CNIH3: variants seen among roughly 807,000 people sequenced by gnomAD.
The protein encoded by CNIH3 is protein cornichon homolog 3.
A neutral mutation model predicts 24.1 loss-of-function variants in CNIH3; 14 were observed. That is an observed-to-expected ratio of 0.58 (90% CI 0.38 to 0.91). The LOEUF is 0.91. CNIH3 is among the 40% of genes least tolerant of loss of function. The probability of loss-of-function intolerance (pLI) is 0.00; values close to 1 mark genes in which losing one functional copy is unlikely to be tolerated. For missense variants in CNIH3, 178 were observed against 196.8 expected, an observed-to-expected ratio of 0.90 and a Z score of 0.57; for synonymous variants, 68 against 73.8, an observed-to-expected ratio of 0.92 and a Z score of 0.40.
intron 1 of CNIH3, among the ~76,000 whole-genome samples, chr1:224,445,099 T>A (rs985580144): frequency 3.9e-5 from 6 of 152,162 alleles, no homozygotes; most frequent in African/African-American, 1.4e-4. Flanking sequence ...ACCCCAGTAG[T>A]ATCTTATTGT....
At position 224,586,338 on chromosome 1, in the gene CNIH3, C is replaced by T. The variant is rs576052216; in HGVS notation, n.621-2023C>T. 3.0e-4 allele frequency among the ~76,000 whole-genome samples: 46 copies of T among 152,302 alleles called. 1 individual carries two copies. In the South Asian group the frequency reaches 7.7e-3, roughly 25 times the overall value. On this transcript the variant is annotated intron_variant and non_coding_transcript_variant, in intron 5 of 5. Transcript: ENST00000471578. ...GGTAGAAGGTGAAAGGCATGTCTCACGTGGTGGCAGACAAGAGAAGAAAGC... is the reference window on the plus strand; with the variant it reads ...GGTAGAAGGTGAAAGGCATGTCTCATGTGGTGGCAGACAAGAGAAGAAAGC...
Position 224,462,897 on chromosome 1 carries a change from CTTTTTTTTT to C in CNIH3, n.203+28051_203+28059del, listed in dbSNP as rs71572901. ...CCTTGGTTTCCCAAAATATGTTTAA[CTTTTTTTTT>C]TTTTTTTTTTTTTTTGAGACAGTCT... is the stretch of plus-strand genomic sequence containing the variant. On this transcript the variant is annotated intron_variant and non_coding_transcript_variant, in intron 1 of 5. Transcript: ENST00000471578. Among the ~76,000 whole-genome samples, 17 of 73,420 alleles carry C rather than the reference CTTTTTTTTT, an allele frequency of 2.3e-4. No homozygotes were observed. The South Asian group carries it at 7.8e-3, about 34-fold the overall frequency. 48.2% of individuals were successfully genotyped at this position (73,420 alleles called of 152,430 possible).
At chr1:224,493,320 T>A (rs1271073109) in intron 1 of CNIH3, among the ~76,000 whole-genome samples, 1 of 152,166 alleles carries the variant, frequency 6.6e-6, no homozygotes, top group Non-Finnish European at 1.5e-5. Flanking sequence ...ATTTTTTGGC[T>A]TTTAAAGTTG....
At chr1:224,641,407 G>A (rs1037021332) in intron 1 of CNIH3, among the ~76,000 whole-genome samples, 7 of 152,122 alleles carry the variant, frequency 4.6e-5, no homozygotes, top group Non-Finnish European at 7.4e-5. Context: ...TTTTATTCAC[G>A]GATGCCCTCT....
intron 1 of CNIH3, among the ~76,000 whole-genome samples, chr1:224,676,143 A>G (rs1485162187): frequency 6.6e-6 from 1 of 152,246 alleles, no homozygotes; most frequent in Non-Finnish European, 1.5e-5. Context: ...GTACAATGGA[A>G]TACTACTTGG....
chr1:224,618,296 A>G lies in CNIH3; in HGVS notation c.81+1041A>G, dbSNP rs78465336. ...GCCAAATGTTTAGAAGGAGCACCCC[A>G]GTGCATAATTTCCCACCTTTAACAG... On this transcript the variant is annotated intron_variant, in intron 1 of 5. Coordinates refer to ENST00000272133, the MANE Select transcript of CNIH3 (RefSeq NM_152495.2). 2.4e-3 allele frequency among the ~76,000 whole-genome samples: 368 copies of G among 152,340 alleles called. 9 individuals are homozygous for G. In the East Asian group the frequency reaches 0.048, roughly 20 times the overall value.
rs1222352247 is a variant in CNIH3, at chr1:224,704,915, G to A, written c.198+20072G>A. Among the ~76,000 whole-genome samples the A allele has an allele frequency of 6.6e-6, 1 of 152,074 alleles. No homozygotes were observed. Among genetic ancestry groups the A allele is most frequent in the African/African-American group, 2.4e-5 (1 of 41,406 alleles). On this transcript the variant is annotated intron_variant, in intron 3 of 5. Transcript: ENST00000272133. This position sits in a 1 kb window ranked among gnomAD's most constrained non-coding sequence, Gnocchi z 4.2. ...ACCTGAGGTCAAGAGTTCAAGACCA[G>A]CCTGACCAATGTGATGAAACCCCGT...
chr1:224,549,686 G>T (rs1240596034), intron 3 of CNIH3, among the ~76,000 whole-genome samples: 5 of 151,914 alleles, frequency 3.3e-5, no homozygotes, highest in Non-Finnish European at 7.4e-5. Context: ...ATACCACAGG[G>T]TGTAAACACT....
intron 3 of CNIH3, among the ~76,000 whole-genome samples, chr1:224,724,107 T>G (rs965268417): frequency 6.6e-6 from 1 of 152,220 alleles, no homozygotes; most frequent in Non-Finnish European, 1.5e-5. Flanking sequence ...TTATTCTGTG[T>G]TAAGTTGCTT....
At chr1:224,542,154 C>T (rs1679534922), downstream of CNIH3, among the ~76,000 whole-genome samples, 1 of 152,212 alleles carries the variant, frequency 6.6e-6, no homozygotes, top group Non-Finnish European at 1.5e-5. Context: ...TTGAAAATGC[C>T]ACAACCATTC....
chr1:224,711,794 C>CAGA (rs1688165499), intron 3 of CNIH3, among the ~76,000 whole-genome samples: 1 of 65,670 alleles, frequency 1.5e-5, no homozygotes, highest in Non-Finnish European at 2.8e-5. Context: ...GACCCTGTCT[C>CAGA]AAAAAAAAAA....
intron 1 of CNIH3, among the ~76,000 whole-genome samples, chr1:224,619,940 C>T (rs1407553734): frequency 6.6e-6 from 1 of 152,208 alleles, no homozygotes; most frequent in Non-Finnish European, 1.5e-5. Context: ...TGGGTGTCTG[C>T]TGTAGGACAA....
At chr1:224,480,716 G>A (rs563291893) in intron 1 of CNIH3, among the ~76,000 whole-genome samples, 29 of 152,208 alleles carry the variant, frequency 1.9e-4, no homozygotes, top group African/African-American at 6.0e-4. Flanking sequence ...CCCAGTTCCC[G>A]ACAAGTTCCC....
At chr1:224,456,700 T>A (rs1675677188) in intron 1 of CNIH3, among the ~76,000 whole-genome samples, 1 of 152,226 alleles carries the variant, frequency 6.6e-6, no homozygotes, top group Non-Finnish European at 1.5e-5. Context: ...CATGAGCCAC[T>A]GTGCCCGGCC....
At chr1:224,680,732 A>G (rs1280102531) in intron 1 of CNIH3, among the ~76,000 whole-genome samples, 1 of 152,248 alleles carries the variant, frequency 6.6e-6, no homozygotes, top group Non-Finnish European at 1.5e-5. Flanking sequence ...AGATACTTAA[A>G]AAAACTTACT....
At chr1:224,441,543 A>G (rs1674914268) in intron 1 of CNIH3, among the ~76,000 whole-genome samples, 1 of 152,220 alleles carries the variant, frequency 6.6e-6, no homozygotes, top group Non-Finnish European at 1.5e-5. Flanking sequence ...CTCAGTTTCG[A>G]ATGTGTTGTT....
At chr1:224,694,150 A>G (rs763813620) in intron 3 of CNIH3, among the ~76,000 whole-genome samples, 6 of 152,354 alleles carry the variant, frequency 3.9e-5, no homozygotes, top group Non-Finnish European at 5.9e-5. Context: ...GCCAGCTGCC[A>G]GCTCCTTTGC....
chr1:224,539,263 C>CAT (rs1240675594), downstream of CNIH3, among the ~76,000 whole-genome samples: 1 of 152,182 alleles, frequency 6.6e-6, no homozygotes, highest in East Asian at 1.9e-4. Flanking sequence ...AGTCGTCTTC[C>CAT]ATTTCTTGTT....
intron 1 of CNIH3, chr1:224,435,697 T>A (rs1674626978): frequency 6.6e-6 from 1 of 152,224 alleles, no homozygotes; most frequent in Non-Finnish European, 1.5e-5. Flanking sequence ...ATGTGAGCCT[T>A]CTGTGTCATC....
Sources: allele counts gnomAD v4.1 joint callset (sites outside exome capture counted in the v4.1 genomes callset), GRCh38; gene constraint gnomAD v4.1.1; non-coding constraint Gnocchi (gnomAD v3.1); transcripts MANE v1.5; gene names NCBI Gene and HGNC (gene_info 2026-07-23, HGNC 2026-07-21).